L3MBTL4: variants seen among roughly 807,000 people sequenced by gnomAD.
L3MBTL4 encodes the protein L3MBTL histone methyl-lysine binding protein 4.
In L3MBTL4, 70 loss-of-function variants were observed where a neutral mutation model predicts 84.5. The observed-to-expected ratio is 0.83, with a 90% CI of 0.68 to 1.01. The LOEUF (loss-of-function observed/expected upper bound fraction) is 1.01. Ranked by LOEUF, L3MBTL4 falls within the 50% of genes least tolerant of loss-of-function variation. The probability of loss-of-function intolerance (pLI) is 0.00; values close to 1 mark genes in which losing one functional copy is unlikely to be tolerated. For synonymous variants in L3MBTL4, 274 were observed against 259.8 expected (o/e 1.05, Z -0.52); for missense variants, 715 against 754.8 (o/e 0.95, Z 0.62).
intron 16 of L3MBTL4, among the ~76,000 whole-genome samples, chr18:6,005,690 AG>A (rs1395320908): frequency 6.6e-6 from 1 of 152,178 alleles, no homozygotes; most frequent in African/African-American, 2.4e-5. Flanking sequence ...ACGGCCATGT[AG>A]TATTCCATGG....
chr18:6,314,319 G>C (rs937079577), intron 1 of L3MBTL4, among the ~76,000 whole-genome samples: 7 of 152,008 alleles, frequency 4.6e-5, no homozygotes, highest in Non-Finnish European at 8.8e-5. Flanking sequence ...GTTGAGCTTT[G>C]AAAAAATATA....
chr18:6,384,318 A>G (rs1319874700), intron 1 of L3MBTL4, among the ~76,000 whole-genome samples: 2 of 152,158 alleles, frequency 1.3e-5, no homozygotes, highest in African/African-American at 4.8e-5. Context: ...ATACATACAA[A>G]TGTTCATGTA....
At chr18:6,293,415 C>T (rs1053695550) in intron 4 of L3MBTL4, among the ~76,000 whole-genome samples, 1 of 151,896 alleles carries the variant, frequency 6.6e-6, no homozygotes, top group Admixed American at 6.6e-5. Flanking sequence ...CCAAAACCAG[C>T]TTGAAGGGGA....
intron 16 of L3MBTL4, chr18:6,030,501 C>CT (rs112869054): frequency 0.09 from 72,748 of 811,416 alleles, 9 homozygotes; most frequent in Middle Eastern, 0.099. Flanking sequence ...TGAAGAGACT[C>CT]TTTTTTTTTT....
chr18:6,000,965 C>T (rs1040762805), intron 16 of L3MBTL4, among the ~76,000 whole-genome samples: 42 of 152,162 alleles, frequency 2.8e-4, no homozygotes, highest in Admixed American at 3.9e-4. Flanking sequence ...TTGCAGCTTC[C>T]GGAGGTCAGC....
intron 13 of L3MBTL4, among the ~76,000 whole-genome samples, chr18:6,162,594 G>C (rs1440537501): frequency 1.3e-5 from 2 of 152,140 alleles, no homozygotes; most frequent in Admixed American, 6.5e-5. Context: ...AATTATATGA[G>C]TAAATAAGAT....
chr18:6,302,846 C>T (rs547802611), intron 3 of L3MBTL4, among the ~76,000 whole-genome samples: 1 of 152,142 alleles, frequency 6.6e-6, no homozygotes, highest in Non-Finnish European at 1.5e-5. Context: ...AAAAAATAAG[C>T]TGGACGTGGT....
intron 16 of L3MBTL4, among the ~76,000 whole-genome samples, chr18:5,978,326 T>C (rs1446069345): frequency 2.0e-5 from 3 of 152,210 alleles, no homozygotes; most frequent in Non-Finnish European, 4.4e-5. Context: ...GATAGGTTAG[T>C]CATCCAATAC....
At chr18:6,031,404 G>A in intron 16 of L3MBTL4, 1 of 985,404 alleles carries the variant, frequency 1.0e-6, no homozygotes, top group Non-Finnish European at 1.2e-6. Flanking sequence ...CTTCTTTGTG[G>A]CCGTCTAACT....
chr18:6,271,479 G>A (rs1488592183), intron 4 of L3MBTL4, among the ~76,000 whole-genome samples: 3 of 152,188 alleles, frequency 2.0e-5, no homozygotes, highest in Non-Finnish European at 2.9e-5. Context: ...AAATAGTCCC[G>A]AAGCTGCCGG....
At chr18:6,270,835 T>C (rs940247100) in intron 4 of L3MBTL4, among the ~76,000 whole-genome samples, 6 of 152,202 alleles carry the variant, frequency 3.9e-5, no homozygotes, top group Non-Finnish European at 7.3e-5. Flanking sequence ...TCTTTAATCT[T>C]ATGGTTTAGA....
At chr18:6,138,639 C>T (rs527237718) in intron 13 of L3MBTL4, among the ~76,000 whole-genome samples, 4 of 152,256 alleles carry the variant, frequency 2.6e-5, no homozygotes, top group Non-Finnish European at 5.9e-5. Context: ...GCAACCTCTG[C>T]CTCCCGAGTT....
intron 4 of L3MBTL4, among the ~76,000 whole-genome samples, chr18:6,269,506 C>T (rs575257997): frequency 2.4e-3 from 372 of 152,110 alleles, no homozygotes; most frequent in African/African-American, 8.3e-3. Context: ...GTCATGTCGA[C>T]AATATATATT....
intron 16 of L3MBTL4, among the ~76,000 whole-genome samples, chr18:5,985,779 G>A (rs895757334): frequency 6.6e-6 from 1 of 152,154 alleles, no homozygotes; most frequent in East Asian, 1.9e-4. Context: ...TTTAGAGCAC[G>A]AGACTAGGGA....
chr18:6,412,026 T>G (rs2055986819), intron 1 of L3MBTL4, among the ~76,000 whole-genome samples: 1 of 152,214 alleles, frequency 6.6e-6, no homozygotes, highest in Non-Finnish European at 1.5e-5. Context: ...AGGGTACGTG[T>G]GCAGGTTGGT....
intron 4 of L3MBTL4, among the ~76,000 whole-genome samples, chr18:6,271,504 C>T (rs928136181): frequency 2.6e-5 from 4 of 152,020 alleles, no homozygotes; most frequent in Non-Finnish European, 4.4e-5. Context: ...CAGGCAGGGC[C>T]GAAAAGGTGG....
intron 5 of L3MBTL4, among the ~76,000 whole-genome samples, chr18:6,250,963 T>A (rs1201781180): frequency 6.6e-6 from 1 of 152,110 alleles, no homozygotes; most frequent in East Asian, 1.9e-4. Context: ...TATGAGGAAG[T>A]CTTACATAGG....
At chr18:6,012,203 A>G (rs1197341223) in intron 16 of L3MBTL4, among the ~76,000 whole-genome samples, 13 of 152,256 alleles carry the variant, frequency 8.5e-5, no homozygotes, top group African/African-American at 2.9e-4. Context: ...CGGAGTGAAG[A>G]TCACAAAACA....
intron 5 of L3MBTL4, among the ~76,000 whole-genome samples, chr18:6,255,705 T>TGAAACA (rs2048107428): frequency 6.6e-6 from 1 of 152,026 alleles, no homozygotes; most frequent in East Asian, 1.9e-4. Context: ...AAATGCTTTT[T>TGAAACA]TTCCCCCTGG....
Sources: gnomAD v4.1 joint callset for allele counts (sites outside exome capture counted in the v4.1 genomes callset) on GRCh38, gnomAD v4.1.1 for gene constraint, MANE v1.5 for transcripts, NCBI Gene and HGNC (gene_info 2026-07-23, HGNC 2026-07-21) for gene names.